BFSP1: variants seen among roughly 807,000 people sequenced by gnomAD.
BFSP1 encodes beaded filament structural protein 1.
In BFSP1, 38 loss-of-function variants were observed where a neutral mutation model predicts 43.9. The observed-to-expected ratio is 0.87, with a 90% confidence interval of 0.67 to 1.14. BFSP1 has a LOEUF of 1.14. BFSP1 is among the 50% of genes most tolerant of loss of function. BFSP1 has a pLI of 0.00. For synonymous variants in BFSP1, 352 were observed against 354.8 expected (o/e 0.99, Z 0.09); for missense variants, 850 against 875.1 (o/e 0.97, Z 0.36).
upstream of BFSP1, among the ~76,000 whole-genome samples, chr20:17,535,780 T>C (rs769730650): frequency 3.3e-5 from 5 of 152,208 alleles, no homozygotes; most frequent in Admixed American, 2.6e-4. Context: ...CTTTGCAGTA[T>C]AGACATTTAA....
chr20:17,547,204 A>T (rs987637910), intron 1 of BFSP1, among the ~76,000 whole-genome samples: 1 of 151,798 alleles, frequency 6.6e-6, no homozygotes, highest in African/African-American at 2.4e-5. Flanking sequence ...AAAAAATAGT[A>T]AAATAAATAA....
intron 2 of BFSP1, among the ~76,000 whole-genome samples, chr20:17,519,351 C>T (rs980953894): frequency 3.3e-5 from 5 of 152,244 alleles, no homozygotes; most frequent in Admixed American, 3.3e-4. Flanking sequence ...CAAGGGGCCA[C>T]AGGCATCTCC....
chr20:17,553,794 T>TACAC (rs144515006), intron 1 of BFSP1, among the ~76,000 whole-genome samples: 1 of 105,014 alleles, frequency 9.5e-6, no homozygotes, highest in Admixed American at 1.0e-4. Context: ...TATATATATA[T>TACAC]ACACACACAC....
rs1226772141 is a variant in BFSP1, at chr20:17,531,277, G to A, written c.53C>T (p.Ala18Val). The A allele has an allele frequency of 6.8e-7, 1 of 1,461,006 alleles. No individual in the cohort carries two copies. Among genetic ancestry groups the A allele is most frequent in the Non-Finnish European group, 9.0e-7 (1 of 1,109,296 alleles). 90.5% of individuals were successfully genotyped at this position (1,461,006 alleles called of 1,614,324 possible). A position where few individuals can be genotyped will look rare whatever the true frequency, so the allele number is the denominator to read the frequency against. The change falls in exon 1 of 8, where the codon GCC becomes GTC. Residue 18 changes from alanine (A) to valine (V), a missense_variant. Physicochemically the swap from Ala to Val is moderately conservative, Grantham distance 64. Transcript: ENST00000377873. ...CTCGGCGGCGCGCGAAGCCTCGTCG[G>A]CGTGCTCGTACTGCTCCTTGCGGGT... is the stretch of plus-strand genomic sequence containing the variant. ...FQTRKEQYEH[A>V]DEASRAAEPE...
chr20:17,512,685 ACT>A (rs908704748), intron 3 of BFSP1, among the ~76,000 whole-genome samples: 5 of 152,104 alleles, frequency 3.3e-5, no homozygotes, highest in Admixed American at 1.3e-4. Flanking sequence ...ACCCCACTGT[ACT>A]CCAGCCTGAG....
At chr20:17,544,297 A>G (rs937649131) in intron 1 of BFSP1, among the ~76,000 whole-genome samples, 1 of 152,172 alleles carries the variant, frequency 6.6e-6, no homozygotes, top group Non-Finnish European at 1.5e-5. Context: ...CCTATCCATC[A>G]TTGGTTGAGG....
At chr20:17,543,739 TG>T (rs756317469) in intron 1 of BFSP1, among the ~76,000 whole-genome samples, 219 of 152,332 alleles carry the variant, frequency 1.4e-3, no homozygotes, top group Admixed American at 3.5e-3. Flanking sequence ...AGTGAAGATA[TG>T]CGAAGCAACT....
chr20:17,527,322 C>T (rs866927195), intron 1 of BFSP1, among the ~76,000 whole-genome samples: 2 of 152,204 alleles, frequency 1.3e-5, no homozygotes, highest in South Asian at 2.1e-4. Context: ...CTCTTTCCTG[C>T]TGGAAATATC....
Position 17,531,278 on chromosome 20 carries a change from C to T in BFSP1, c.52G>A (p.Ala18Thr), listed in dbSNP as rs1350164491. ...TCGGCGGCGCGCGAAGCCTCGTCGG[C>T]GTGCTCGTACTGCTCCTTGCGGGTC... is the stretch of plus-strand genomic sequence containing the variant. ...FQTRKEQYEH[A>T]DEASRAAEPE... The change falls in exon 1 of 8, where the codon GCC (alanine) becomes ACC (threonine). Residue 18 changes from alanine to threonine, a missense_variant. Ala to Thr is a moderately conservative substitution (Grantham distance 58, BLOSUM62 0). Transcript: ENST00000377873. 1.4e-6 allele frequency: 2 copies of T among 1,460,522 alleles called. No individual in the cohort carries two copies. Among genetic ancestry groups the T allele is most frequent in the Non-Finnish European group, 1.8e-6 (2 of 1,109,024 alleles). 90.5% of individuals were successfully genotyped at this position (1,460,522 alleles called of 1,614,324 possible).
intron 1 of BFSP1, among the ~76,000 whole-genome samples, chr20:17,539,015 A>C (rs1217332997): frequency 1.3e-5 from 2 of 152,042 alleles, no homozygotes; most frequent in Non-Finnish European, 2.9e-5. Flanking sequence ...CTCTGTCCTA[A>C]AAAGAAGGAT....
chr20:17,515,494 AT>A (rs1396601640), intron 2 of BFSP1, among the ~76,000 whole-genome samples: 10 of 152,198 alleles, frequency 6.6e-5, no homozygotes, highest in Admixed American at 3.9e-4. Flanking sequence ...TGTGAATAGC[AT>A]TTGTTTGTTC....
intron 7 of BFSP1, 61 bp downstream of exon 7, chr20:17,496,877 A>G (rs1267496346): frequency 2.2e-6 from 3 of 1,363,154 alleles, no homozygotes; most frequent in Non-Finnish European, 3.0e-6. Flanking sequence ...AGTCAGGAAG[A>G]GAGCCGCTTG....
intron 6 of BFSP1, among the ~76,000 whole-genome samples, chr20:17,498,609 T>G (rs1056103039): frequency 1.3e-5 from 2 of 152,084 alleles, no homozygotes; most frequent in African/African-American, 4.8e-5. Flanking sequence ...GCCACCACCC[T>G]CCTCCCTGCG....
intron 1 of BFSP1, among the ~76,000 whole-genome samples, chr20:17,539,105 CTTTTT>C (rs1156875265): frequency 2.0e-4 from 13 of 63,560 alleles, no homozygotes; most frequent in African/African-American, 7.5e-4. Flanking sequence ...ATTTCTTCTT[CTTTTT>C]TTTTTTTTTT....
intron 5 of BFSP1, among the ~76,000 whole-genome samples, chr20:17,503,863 T>A (rs1243619983): frequency 1.3e-5 from 2 of 152,240 alleles, no homozygotes; most frequent in African/African-American, 4.8e-5. Flanking sequence ...CAGAGACCTC[T>A]CCTTGCAGGT....
chr20:17,566,947 C>T (rs1022667732), intron 1 of BFSP1, among the ~76,000 whole-genome samples: 3 of 152,112 alleles, frequency 2.0e-5, no homozygotes, highest in South Asian at 2.1e-4. Context: ...CCACGGTGCC[C>T]GGCCTAGGAC....
chr20:17,497,658 A>ATATATACG (rs2033687846), intron 6 of BFSP1, among the ~76,000 whole-genome samples: 1 of 150,422 alleles, frequency 6.6e-6, no homozygotes, highest in African/African-American at 2.4e-5. Flanking sequence ...ATATCTACTC[A>ATATATACG]TATATACGTA....
At chr20:17,548,013 T>G (rs2123574375) in intron 1 of BFSP1, among the ~76,000 whole-genome samples, 1 of 150,302 alleles carries the variant, frequency 6.7e-6, no homozygotes, top group African/African-American at 2.4e-5. Flanking sequence ...CCTCCGACAG[T>G]GCTGGGATTA....
intron 1 of BFSP1, among the ~76,000 whole-genome samples, chr20:17,544,309 C>T (rs2034766737): frequency 2.0e-5 from 3 of 152,066 alleles, no homozygotes; most frequent in Admixed American, 2.0e-4. Flanking sequence ...TGGTTGAGGG[C>T]TGCTCCCTAC....
Sources: allele counts gnomAD v4.1 joint callset (sites outside exome capture counted in the v4.1 genomes callset), GRCh38; gene constraint gnomAD v4.1.1; transcripts MANE v1.5; gene names NCBI Gene and HGNC (gene_info 2026-07-23, HGNC 2026-07-21).